The following RASA1 variants were observed in gnomAD, a reference collection of about 807,000 sequenced individuals.
RASA1 encodes the protein RAS p21 protein activator 1.
A neutral mutation model predicts 132.2 loss-of-function variants in RASA1; 25 were observed. The observed-to-expected ratio is 0.19, with a 90% confidence interval of 0.14 to 0.26. The LOEUF (loss-of-function observed/expected upper bound fraction) is 0.26. RASA1 is among the 10% of genes least tolerant of loss of function. The probability of loss-of-function intolerance (pLI) is 1.00; values close to 1 mark genes in which losing one functional copy is unlikely to be tolerated. For synonymous variants in RASA1, 477 were observed against 449.9 expected, an observed-to-expected ratio of 1.06 and a Z score of -0.76; for missense variants, 964 against 1,299.2, an observed-to-expected ratio of 0.74 and a Z score of 3.97.
chr5:87,386,799 A>G (rs750074468), intron 22 of RASA1, 27 bp from the exon 23 acceptor site: 36 of 1,595,584 alleles, frequency 2.3e-5, no homozygotes, highest in Non-Finnish European at 2.3e-5. Flanking sequence ...TTTCTGGTGC[A>G]TATAACAGAA....
intron 1 of RASA1, among the ~76,000 whole-genome samples, chr5:87,271,868 A>C (rs1439152069): frequency 6.6e-6 from 1 of 151,608 alleles, no homozygotes; most frequent in East Asian, 1.9e-4. Context: ...AATAAACACG[A>C]TTGGGCTGGG....
At chr5:87,308,275 A>G (rs1413692428) in intron 1 of RASA1, among the ~76,000 whole-genome samples, 1 of 151,924 alleles carries the variant, frequency 6.6e-6, no homozygotes, top group Non-Finnish European at 1.5e-5. Context: ...ACAATATGCA[A>G]ATAAATAGTT....
At chr5:87,325,350 A>G (rs1304337485) in intron 1 of RASA1, among the ~76,000 whole-genome samples, 1 of 152,250 alleles carries the variant, frequency 6.6e-6, no homozygotes, top group Non-Finnish European at 1.5e-5. Flanking sequence ...AGACACAGCC[A>G]AACCATATCA....
intron 7 of RASA1, among the ~76,000 whole-genome samples, chr5:87,347,874 A>G (rs1758973886): frequency 1.3e-5 from 2 of 152,016 alleles, no homozygotes; most frequent in Non-Finnish European, 2.9e-5. Context: ...AACTTGTACC[A>G]CCAAGTACTT....
chr5:87,333,722 T>C (rs1249873139), intron 4 of RASA1, among the ~76,000 whole-genome samples: 2 of 152,212 alleles, frequency 1.3e-5, no homozygotes, highest in Non-Finnish European at 2.9e-5. Flanking sequence ...AGGAATGTTA[T>C]AGAACTATGC....
chr5:87,271,692 A>G (rs1230554598), intron 1 of RASA1, among the ~76,000 whole-genome samples: 3 of 151,718 alleles, frequency 2.0e-5, no homozygotes, highest in Non-Finnish European at 4.4e-5. Flanking sequence ...CATGTTGGCC[A>G]GGCTGGTCTC....
rs193228399 is a variant in RASA1, at chr5:87,285,775, C to T, written c.539+16785C>T. On this transcript the variant is annotated intron_variant, in intron 1 of 24. Transcript: ENST00000274376. ...CTGGGATCATAGGCGCACACCACCA[C>T]GCCCAGCTAATTTTTGTATTTTTAA... Among the ~76,000 whole-genome samples the T allele has an allele frequency of 3.9e-4, 59 of 151,742 alleles. No homozygotes were observed. In the East Asian group the frequency reaches 7.0e-3, roughly 18 times the overall value.
intron 1 of RASA1, among the ~76,000 whole-genome samples, chr5:87,283,891 G>A (rs1754428145): frequency 6.6e-6 from 1 of 152,036 alleles, no homozygotes; most frequent in African/African-American, 2.4e-5. Context: ...TGTTTATTTT[G>A]GGTAGTTCAG....
At chr5:87,338,300 T>G (rs1172214301) in intron 5 of RASA1, among the ~76,000 whole-genome samples, 1 of 151,628 alleles carries the variant, frequency 6.6e-6, no homozygotes, top group African/African-American at 2.4e-5. Flanking sequence ...TCAGAAAGCT[T>G]GTATGATTTT....
chr5:87,344,623 C>T (rs1758712015), intron 6 of RASA1, among the ~76,000 whole-genome samples: 1 of 151,912 alleles, frequency 6.6e-6, no homozygotes, highest in Non-Finnish European at 1.5e-5. Context: ...CCTGCCTGAG[C>T]CTCCCGAGTA....
chr5:87,347,187 T>C (rs1758927837), intron 7 of RASA1, among the ~76,000 whole-genome samples: 2 of 152,056 alleles, frequency 1.3e-5, no homozygotes, highest in African/African-American at 4.8e-5. Context: ...TAGTCTTCAG[T>C]AGAACGATAT....
chr5:87,389,873 C>T (rs1762362484), intron 24 of RASA1, among the ~76,000 whole-genome samples: 1 of 152,004 alleles, frequency 6.6e-6, no homozygotes, highest in Non-Finnish European at 1.5e-5. Context: ...TTCTCTGTCA[C>T]ATACAGATAT....
chr5:87,377,519 T>G (rs574835866), intron 17 of RASA1, among the ~76,000 whole-genome samples: 32 of 152,196 alleles, frequency 2.1e-4, no homozygotes, highest in African/African-American at 7.0e-4. Flanking sequence ...ATTTTTTTAG[T>G]AGAGACGGGT....
At chr5:87,283,319 A>G (rs555227807) in intron 1 of RASA1, among the ~76,000 whole-genome samples, 96 of 151,978 alleles carry the variant, frequency 6.3e-4, no homozygotes, top group African/African-American at 2.3e-3. Flanking sequence ...AACCTTTCCA[A>G]CATCTAATAC....
At position 87,372,013 on chromosome 5, in the gene RASA1, T is replaced by C. The variant is rs975530332; in HGVS notation, c.1699-105T>C. The C allele has an allele frequency of 8.0e-6, 7 of 871,076 alleles. 1 individual carries two copies. The South Asian group carries it at 9.7e-5, about 12-fold the overall frequency. 54.0% of individuals were successfully genotyped at this position (871,076 alleles called of 1,614,324 possible). On this transcript the variant is annotated intron_variant, in intron 12 of 24. Coordinates refer to ENST00000274376, the MANE Select transcript of RASA1 (RefSeq NM_002890.3). Reference sequence around the variant, plus strand: ...TAGTCTGAGAATAGAAATGGCAGTCTAGAGAAGGAAAAAATTGTTGAATTT... The same window carrying C: ...TAGTCTGAGAATAGAAATGGCAGTCCAGAGAAGGAAAAAATTGTTGAATTT...
rs781285667 is a variant in RASA1 at position 87,333,345 on chromosome 5, A to G, written c.899+8A>G. On this transcript the variant is annotated splice_region_variant and intron_variant, in intron 4 of 24. Coordinates refer to ENST00000274376, the MANE Select transcript of RASA1 (RefSeq NM_002890.3). ...AGACACTGATGAAATAAGGTATTTTATAATCTATTCTCATGTATAGGCATT... is the reference window on the plus strand; with the variant it reads ...AGACACTGATGAAATAAGGTATTTTGTAATCTATTCTCATGTATAGGCATT... The G allele has an allele frequency of 1.9e-6, 3 of 1,612,948 alleles. No homozygotes were observed. Among genetic ancestry groups the G allele is most frequent in the Admixed American group, 1.7e-5 (1 of 59,966 alleles).
At chr5:87,348,134 TC>T (rs1277827601) in intron 7 of RASA1, among the ~76,000 whole-genome samples, 6 of 152,054 alleles carry the variant, frequency 3.9e-5, no homozygotes, top group Non-Finnish European at 7.4e-5. Context: ...AGAAACACTT[TC>T]ATTTTAGCCC....
chr5:87,269,196 C>T (rs893816431), intron 1 of RASA1: 1 of 1,595,900 alleles, frequency 6.3e-7, no homozygotes, highest in Non-Finnish European at 8.5e-7. Flanking sequence ...TTTATTGCTC[C>T]TCTGGGAAAG....
chr5:87,336,844 C>G (rs2112383174), intron 4 of RASA1, among the ~76,000 whole-genome samples: 1 of 151,982 alleles, frequency 6.6e-6, no homozygotes, highest in Non-Finnish European at 1.5e-5. Context: ...TATTGGCCAT[C>G]ATTAAGAAGG....
Sources: allele counts gnomAD v4.1 joint callset (sites outside exome capture counted in the v4.1 genomes callset), GRCh38; gene constraint gnomAD v4.1.1; transcripts MANE v1.5; gene names NCBI Gene and HGNC (gene_info 2026-07-23, HGNC 2026-07-21).